The following ASCC1 variants were observed in gnomAD, a reference collection of about 807,000 sequenced individuals.
The protein encoded by ASCC1 is activating signal cointegrator 1 complex subunit 1, also known as ASC-1 complex subunit P50.
ASCC1 carries 35 observed loss-of-function variants against 46.6 expected under a neutral mutation model. The observed-to-expected ratio is 0.75, with a 90% confidence interval of 0.57 to 0.99. ASCC1 has a LOEUF of 0.99. Among genes scored for constraint, ASCC1 ranks in the 50% least tolerant of loss-of-function variants. ASCC1 has a pLI of 0.00. For missense variants in ASCC1, 376 were observed against 428.7 expected (o/e 0.88, Z 1.09); for synonymous variants, 143 against 146.6 (o/e 0.98, Z 0.18).
intron 5 of ASCC1, among the ~76,000 whole-genome samples, chr10:72,182,923 GC>G (rs1186327335): frequency 6.6e-6 from 1 of 150,656 alleles, no homozygotes; most frequent in Admixed American, 6.6e-5. Flanking sequence ...CAGATCATAT[GC>G]CATTAAAGCT....
intron 5 of ASCC1, among the ~76,000 whole-genome samples, chr10:72,193,841 GA>G (rs1464846702): frequency 6.9e-6 from 1 of 144,078 alleles, no homozygotes; most frequent in Non-Finnish European, 1.5e-5. Flanking sequence ...AAATAATACT[GA>G]TTTTTTTTTT....
chr10:72,215,032 T>C (rs1445078758), intron 1 of ASCC1, among the ~76,000 whole-genome samples: 2 of 152,250 alleles, frequency 1.3e-5, no homozygotes, highest in Non-Finnish European at 2.9e-5. Flanking sequence ...TCCTACCACG[T>C]ACAGCTTAGA....
intron 5 of ASCC1, among the ~76,000 whole-genome samples, chr10:72,191,189 C>G (rs1305133444): frequency 1.3e-5 from 2 of 148,874 alleles, no homozygotes; most frequent in Admixed American, 6.7e-5. Flanking sequence ...TCCCGAGTAG[C>G]TGGGATTACA....
intron 3 of ASCC1, among the ~76,000 whole-genome samples, chr10:72,206,403 C>CT (rs1283194068): frequency 5.3e-5 from 8 of 151,678 alleles, no homozygotes; most frequent in Admixed American, 3.9e-4. Flanking sequence ...AAACTCCCGT[C>CT]TCAAAAAAAA....
At chr10:72,213,740 C>CT in intron 1 of ASCC1, among the ~76,000 whole-genome samples, 1 of 150,976 alleles carries the variant, frequency 6.6e-6, no homozygotes, top group Admixed American at 6.6e-5. Flanking sequence ...GACCTCGTCT[C>CT]TAAAAAAAGA....
chr10:72,119,312 T>C (rs955888648), intron 9 of ASCC1, among the ~76,000 whole-genome samples: 4 of 152,216 alleles, frequency 2.6e-5, no homozygotes, highest in South Asian at 2.1e-4. Flanking sequence ...GGAGAAACTA[T>C]TTTACCAGAG....
intron 5 of ASCC1, among the ~76,000 whole-genome samples, chr10:72,189,716 C>T (rs999850748): frequency 3.4e-5 from 5 of 146,688 alleles, no homozygotes; most frequent in Non-Finnish European, 5.9e-5. Context: ...GCAGGAGAAT[C>T]GCTTGAATCT....
chr10:72,164,889 T>A (rs1850151797), intron 5 of ASCC1, among the ~76,000 whole-genome samples: 1 of 152,236 alleles, frequency 6.6e-6, no homozygotes, highest in South Asian at 2.1e-4. Context: ...GATGATGACA[T>A]CTTTTCATGT....
intron 3 of ASCC1, among the ~76,000 whole-genome samples, chr10:72,208,455 G>C (rs1857537971): frequency 1.3e-5 from 2 of 152,014 alleles, no homozygotes; most frequent in African/African-American, 4.8e-5. Context: ...TGCTATCAAG[G>C]TGGATGAAAT....
chr10:72,189,918 C>T (rs531468355), intron 5 of ASCC1: 22 of 689,248 alleles, frequency 3.2e-5, no homozygotes, highest in Non-Finnish European at 4.2e-5. Flanking sequence ...TTCTGTCTGG[C>T]GGCAGCCATC....
At chr10:72,216,056 C>A (rs1046789731) in intron 1 of ASCC1, 151 bp downstream of exon 1, 1 of 152,460 alleles carries the variant, frequency 6.6e-6, no homozygotes, top group Admixed American at 6.5e-5. Context: ...GGCGAACACG[C>A]CGCGGTCCTC....
intron 5 of ASCC1, among the ~76,000 whole-genome samples, chr10:72,177,518 G>C (rs1376017349): frequency 6.6e-6 from 1 of 152,196 alleles, no homozygotes; most frequent in Non-Finnish European, 1.5e-5. Context: ...GTTACAATAT[G>C]AGCAGAATTA....
At chr10:72,161,248 G>A (rs761354782) in intron 6 of ASCC1, among the ~76,000 whole-genome samples, 8 of 151,082 alleles carry the variant, frequency 5.3e-5, no homozygotes, top group Admixed American at 1.3e-4. Flanking sequence ...AGAGAATCGT[G>A]TTATAATGTT....
chr10:72,193,709 T>C (rs1405621186), intron 5 of ASCC1, among the ~76,000 whole-genome samples: 2 of 152,144 alleles, frequency 1.3e-5, no homozygotes, highest in African/African-American at 2.4e-5. Context: ...AAGATAAAAT[T>C]GAAAAAATTT....
intron 9 of ASCC1, among the ~76,000 whole-genome samples, chr10:72,119,667 C>CAGT (rs1412228930): frequency 6.6e-6 from 1 of 151,948 alleles, no homozygotes. Flanking sequence ...CCCTTTCACC[C>CAGT]AGTACATCAC....
intron 7 of ASCC1, among the ~76,000 whole-genome samples, chr10:72,149,085 T>C (rs1183852739): frequency 2.6e-5 from 4 of 151,984 alleles, no homozygotes; most frequent in Non-Finnish European, 4.4e-5. Flanking sequence ...TGTAAAACCA[T>C]GCCTATCTTC....
intron 7 of ASCC1, among the ~76,000 whole-genome samples, chr10:72,140,252 G>C (rs1366191101): frequency 6.6e-6 from 1 of 152,074 alleles, no homozygotes; most frequent in African/African-American, 2.4e-5. Context: ...GACAAAAGAG[G>C]AGTAATATAA....
intron 3 of ASCC1, among the ~76,000 whole-genome samples, chr10:72,204,211 T>C (rs1856886513): frequency 6.6e-6 from 1 of 152,190 alleles, no homozygotes; most frequent in South Asian, 2.1e-4. Context: ...ATCGCACCAC[T>C]ATACTCCAGC....
chr10:72,100,768 G>A (rs1193684917), intron 9 of ASCC1, among the ~76,000 whole-genome samples: 1 of 151,974 alleles, frequency 6.6e-6, no homozygotes, highest in Non-Finnish European at 1.5e-5. Flanking sequence ...GCCCTACAGA[G>A]GAAGAAGCTG....
Sources: allele counts gnomAD v4.1 joint callset (sites outside exome capture counted in the v4.1 genomes callset), GRCh38; gene constraint gnomAD v4.1.1; transcripts MANE v1.5; gene names NCBI Gene and HGNC (gene_info 2026-07-23, HGNC 2026-07-21).